PRKCB: variants seen among roughly 807,000 people sequenced by gnomAD.
The protein encoded by PRKCB is protein kinase C beta, also known as protein kinase C beta type.
A neutral mutation model predicts 81.5 loss-of-function variants in PRKCB; 13 were observed. The ratio of observed to expected loss-of-function variants is 0.16; its 90% CI spans 0.10 to 0.25. The LOEUF (loss-of-function observed/expected upper bound fraction) is 0.25. Ranked by LOEUF, PRKCB falls within the 10% of genes least tolerant of loss-of-function variation. The pLI is 1.00. For synonymous variants in PRKCB, 335 were observed against 321.4 expected (o/e 1.04, Z -0.45); for missense variants, 509 against 875.7 (o/e 0.58, Z 5.29).
At chr16:24,209,628 G>A (rs1968107067) in intron 16 of PRKCB, among the ~76,000 whole-genome samples, 1 of 151,950 alleles carries the variant, frequency 6.6e-6, no homozygotes, top group Admixed American at 6.6e-5. Context: ...TGTCAACTCT[G>A]AATTCAGAAT....
chr16:23,836,473 C>G (rs943958679), intron 1 of PRKCB, 125 bp downstream of exon 1: 19 of 1,364,946 alleles, frequency 1.4e-5, no homozygotes, highest in Non-Finnish European at 1.9e-5. Context: ...TCTCCGGACT[C>G]CCGGCTCCGG....
chr16:24,009,791 G>A (rs899072373), intron 3 of PRKCB, among the ~76,000 whole-genome samples: 2 of 151,960 alleles, frequency 1.3e-5, no homozygotes, highest in Admixed American at 6.6e-5. Context: ...AGGTAGGGGG[G>A]ATCACTTGAG....
At position 24,141,814 on chromosome 16, in the gene PRKCB, C is replaced by A. The variant is rs189509103; in HGVS notation, c.1066-12870C>A. 1.6e-4 allele frequency among the ~76,000 whole-genome samples: 24 copies of A among 152,270 alleles called. 1 individual carries two copies. Among genetic ancestry groups the A allele is most frequent in the African/African-American group, 5.5e-4 (23 of 41,548 alleles). ...CCACCTCTAAGCACAGACAGTATGA[C>A]CTTGCCTTTCACTCTGGGCTTTGTG... is the stretch of plus-strand genomic sequence containing the variant. On this transcript the variant is annotated intron_variant, in intron 9 of 16. Coordinates refer to ENST00000643927, the MANE Select transcript of PRKCB (RefSeq NM_002738.7).
intron 5 of PRKCB, among the ~76,000 whole-genome samples, chr16:24,066,294 ACTCT>A (rs1449409970): frequency 6.6e-6 from 1 of 151,382 alleles, no homozygotes. Flanking sequence ...TCTCTTCTGT[ACTCT>A]CTGTCTCTTT....
chr16:24,190,675 T>C (rs1430363079), intron 15 of PRKCB, among the ~76,000 whole-genome samples: 1 of 151,958 alleles, frequency 6.6e-6, no homozygotes, highest in Admixed American at 6.6e-5. Context: ...TGTGCCACCA[T>C]ACCCAGCTAA....
At chr16:24,072,978 T>G (rs1459142916) in intron 5 of PRKCB, among the ~76,000 whole-genome samples, 1 of 152,216 alleles carries the variant, frequency 6.6e-6, no homozygotes, top group Non-Finnish European at 1.5e-5. Flanking sequence ...CAGTGCTCAG[T>G]CATCTTGATC....
chr16:24,039,811 T>A lies in PRKCB; in HGVS notation c.529+4264T>A, dbSNP rs115802851. ...CAACAGCATCTGGCACACTCAAGTTTCCCTTGGTCTCCTGACTGTCTTCCT... is the reference window on the plus strand; with the variant it reads ...CAACAGCATCTGGCACACTCAAGTTACCCTTGGTCTCCTGACTGTCTTCCT... On this transcript the variant is annotated intron_variant, in intron 5 of 16. Transcript: ENST00000643927. Among the ~76,000 whole-genome samples the A allele has an allele frequency of 7.4e-3, 1,119 of 152,240 alleles. 10 individuals carry two copies. The highest frequency in any genetic ancestry group is 0.025 in the African/African-American group (1,045 of 41,524).
intron 3 of PRKCB, 58 bp from the exon 4 acceptor site, chr16:24,032,078 T>A (rs1335801279): frequency 8.0e-7 from 1 of 1,255,988 alleles, no homozygotes; most frequent in Admixed American, 1.7e-5. Context: ...CGATGTAGGA[T>A]GAACCGTTGG....
intron 16 of PRKCB, among the ~76,000 whole-genome samples, chr16:24,212,906 T>C (rs1968166729): frequency 6.6e-6 from 1 of 152,142 alleles, no homozygotes; most frequent in Non-Finnish European, 1.5e-5. Context: ...ACAGTCTCTG[T>C]CATTCAAACC....
Position 24,219,387 on chromosome 16 carries a change from T to TAGACTG in PRKCB, c.*4572_*4577dup. ...CTTCTGCCTGATAAACACCCAATTC[T>TAGACTG]AGACTGTGGGTGGATTTTCGAGCTG... On this transcript the variant is annotated 3_prime_UTR_variant, in exon 17 of 17. Coordinates refer to ENST00000643927, the MANE Select transcript of PRKCB (RefSeq NM_002738.7). 1.0e-6 allele frequency: 1 copy of TAGACTG among 985,800 alleles called. No homozygotes were observed. Among genetic ancestry groups the TAGACTG allele is most frequent in the South Asian group, 4.7e-5 (1 of 21,278 alleles). 61.1% of individuals were successfully genotyped at this position (985,800 alleles called of 1,614,324 possible).
intron 16 of PRKCB, among the ~76,000 whole-genome samples, chr16:24,209,082 C>T (rs945433659): frequency 1.3e-5 from 2 of 152,102 alleles, no homozygotes; most frequent in Admixed American, 6.5e-5. Context: ...TGGGGAGGCC[C>T]AGGCGAAGAA....
At chr16:24,025,071 C>T (rs909540420) in intron 3 of PRKCB, among the ~76,000 whole-genome samples, 12 of 152,156 alleles carry the variant, frequency 7.9e-5, no homozygotes, top group African/African-American at 2.9e-4. Context: ...AGGAGCTCTC[C>T]AGCAGCCTCT....
intron 5 of PRKCB, among the ~76,000 whole-genome samples, chr16:24,055,101 G>T (rs1380431478): frequency 1.3e-5 from 2 of 152,248 alleles, no homozygotes; most frequent in Non-Finnish European, 2.9e-5. Flanking sequence ...CAAATGAGGG[G>T]CCCTCTTGGG....
At chr16:24,097,190 C>A (rs1048451166) in intron 7 of PRKCB, among the ~76,000 whole-genome samples, 4 of 151,988 alleles carry the variant, frequency 2.6e-5, no homozygotes, top group African/African-American at 9.7e-5. Flanking sequence ...GTGCCCGCCA[C>A]CACGCCCAGC....
intron 2 of PRKCB, among the ~76,000 whole-genome samples, chr16:23,959,383 C>T (rs1964393567): frequency 6.6e-6 from 1 of 152,202 alleles, no homozygotes; most frequent in Non-Finnish European, 1.5e-5. Flanking sequence ...CTGACTCTCT[C>T]TTCCTAGCTC....
intron 3 of PRKCB, among the ~76,000 whole-genome samples, chr16:24,020,505 T>C (rs1244710386): frequency 3.9e-5 from 6 of 152,188 alleles, no homozygotes; most frequent in Non-Finnish European, 8.8e-5. Flanking sequence ...ATTTTTTCTC[T>C]TGGGAATAAT....
chr16:24,146,555 A>G (rs1280295773), intron 9 of PRKCB, among the ~76,000 whole-genome samples: 3 of 152,202 alleles, frequency 2.0e-5, no homozygotes, highest in Non-Finnish European at 2.9e-5. Flanking sequence ...CTAAAAGTCC[A>G]TGCCCTAACC....
intron 3 of PRKCB, among the ~76,000 whole-genome samples, chr16:24,002,158 G>A (rs1342524594): frequency 6.6e-6 from 1 of 152,138 alleles, no homozygotes; most frequent in East Asian, 1.9e-4. Context: ...ACCTAGAACA[G>A]CCTTGCTAGC....
At chr16:24,034,401 C>A (rs1188152943) in intron 4 of PRKCB, among the ~76,000 whole-genome samples, 2 of 152,198 alleles carry the variant, frequency 1.3e-5, no homozygotes, top group South Asian at 2.1e-4. Flanking sequence ...GAACTAGCGT[C>A]CCCCTGGAGA....
Sources: allele counts gnomAD v4.1 joint callset (sites outside exome capture counted in the v4.1 genomes callset), GRCh38; gene constraint gnomAD v4.1.1; transcripts MANE v1.5; gene names NCBI Gene and HGNC (gene_info 2026-07-23, HGNC 2026-07-21).